BRME1: variants seen among roughly 807,000 people sequenced by gnomAD.
BRME1 encodes the protein BRCA2 and MEILB2-associating protein 1.
BRME1 carries 31 observed loss-of-function variants against 52.6 expected under a neutral mutation model. The observed-to-expected ratio is 0.59, with a 90% CI of 0.44 to 0.80. The LOEUF is 0.80. Ranked by LOEUF, BRME1 falls within the 30% of genes least tolerant of loss-of-function variation. The pLI, the probability that BRME1 is intolerant of heterozygous loss-of-function variation, is 0.00. For synonymous variants in BRME1, 359 were observed against 353.6 expected (o/e 1.02, Z -0.17); for missense variants, 804 against 860.3 (o/e 0.93, Z 0.82).
At chr19:13,884,086 C>T (rs1968829715) in intron 7 of BRME1, among the ~76,000 whole-genome samples, 1 of 152,146 alleles carries the variant, frequency 6.6e-6, no homozygotes, top group South Asian at 2.1e-4. Flanking sequence ...CATTCATATC[C>T]TTGGAAGGTT....
chr19:13,894,300 G>A (rs956027150), intron 3 of BRME1, among the ~76,000 whole-genome samples: 7 of 152,220 alleles, frequency 4.6e-5, no homozygotes, highest in Admixed American at 6.5e-5. Context: ...CGAGGCGGGC[G>A]GATCACCTTA....
intron 6 of BRME1, 74 bp downstream of exon 6, chr19:13,889,114 G>A (rs943332549): frequency 1.9e-5 from 26 of 1,372,480 alleles, no homozygotes; most frequent in Middle Eastern, 2.3e-4. Flanking sequence ...CCACTGCACC[G>A]AGTGAGGAGG....
intron 6 of BRME1, among the ~76,000 whole-genome samples, chr19:13,886,780 C>T (rs7249228): frequency 0.011 from 1,418 of 126,020 alleles, 27 homozygotes; most frequent in African/African-American, 0.047. Flanking sequence ...GGCAACACGG[C>T]GAGACCCTGT....
rs1450051469 is a variant in BRME1, at chr19:13,889,504, T to C, written c.1352A>G (p.Glu451Gly). The change falls in exon 6 of 9, where the codon GAG becomes GGG. Residue 451 changes from glutamate (E) to glycine (G), a missense_variant. Glu to Gly is a moderately conservative substitution (Grantham distance 98). This residue lies in a region of BRME1 where 552 missense variants were observed against 561.1 expected (regional missense o/e 0.98). Transcript: ENST00000586783. ...GGCTTCCTCTTGAGCAGGACCTGGC[T>C]CCTGCTTCTGATTGACACATGGACC... ...DTGPCVNQKQ[E>G]PGPAQEEAEL... The C allele has an allele frequency of 2.5e-6, 4 of 1,613,912 alleles. No homozygotes were observed. The highest frequency in any genetic ancestry group is 3.4e-6 in the Non-Finnish European group (4 of 1,180,018).
At chr19:13,894,639 C>G (rs974859758) in intron 3 of BRME1, among the ~76,000 whole-genome samples, 4 of 152,202 alleles carry the variant, frequency 2.6e-5, no homozygotes, top group Non-Finnish European at 5.9e-5. Context: ...TCTTGAACTC[C>G]TGGGCTCAAG....
intron 5 of BRME1, among the ~76,000 whole-genome samples, chr19:13,892,071 CA>C (rs575433126): frequency 1.4e-3 from 193 of 136,006 alleles, no homozygotes; most frequent in Middle Eastern, 7.8e-3. Flanking sequence ...GACTCCATCT[CA>C]AAAAAAAAAA....
chr19:13,898,377 G>A (rs1179004181), intron 2 of BRME1, among the ~76,000 whole-genome samples: 1 of 152,182 alleles, frequency 6.6e-6, no homozygotes, highest in Non-Finnish European at 1.5e-5. Flanking sequence ...AGCTACTCAG[G>A]AGGCTGAGGG....
At chr19:13,892,512 A>C (rs181335512) in intron 5 of BRME1, among the ~76,000 whole-genome samples, 31 of 152,248 alleles carry the variant, frequency 2.0e-4, no homozygotes, top group African/African-American at 7.0e-4. Context: ...GCTTGAACCC[A>C]GTGGGGCAGA....
rs985431172 is a variant in BRME1, at chr19:13,892,289, T to C, written c.393+497A>G. Among the ~76,000 whole-genome samples, 4 of 151,674 alleles carry C rather than the reference T, an allele frequency of 2.6e-5. No homozygotes were observed. In the South Asian group the frequency reaches 6.2e-4, roughly 24 times the overall value. ...CACTCTGTACCATTTTGTGTTTTTT[T>C]AAAAATTGTGCTAAGGCCGTGCGCA... On this transcript the variant is annotated intron_variant, in intron 5 of 8. Transcript: ENST00000586783.
chr19:13,900,725 C>T (rs1248825208), intron 2 of BRME1, among the ~76,000 whole-genome samples: 2 of 151,562 alleles, frequency 1.3e-5, no homozygotes, highest in African/African-American at 2.4e-5. Context: ...CTCACTCTGT[C>T]GCCCAGGCTG....
chr19:13,904,758 AG>A, intron 2 of BRME1, 103 bp downstream of exon 2: 1 of 1,230,150 alleles, frequency 8.1e-7, no homozygotes, highest in East Asian at 2.3e-5. Flanking sequence ...CTTCCTTTTA[AG>A]GAGGTTAAGG....
intron 2 of BRME1, 72 bp downstream of exon 2, chr19:13,904,790 G>T (rs1358527586): frequency 6.0e-6 from 9 of 1,489,502 alleles, no homozygotes. Flanking sequence ...AGCCAGATCT[G>T]CAATAAACAA....
chr19:13,898,860 T>A (rs1970097358), intron 2 of BRME1, among the ~76,000 whole-genome samples: 1 of 145,500 alleles, frequency 6.9e-6, no homozygotes, highest in Non-Finnish European at 1.5e-5. Context: ...GAGGCGGAGG[T>A]TGCAGTGAGC....
chr19:13,902,110 G>A (rs1030833714), intron 2 of BRME1, among the ~76,000 whole-genome samples: 2 of 148,742 alleles, frequency 1.3e-5, no homozygotes, highest in Non-Finnish European at 1.5e-5. Context: ...TGGCTGAGGC[G>A]GGCAGATCAT....
At chr19:13,896,008 G>A (rs754617797) in intron 2 of BRME1, among the ~76,000 whole-genome samples, 100 of 152,282 alleles carry the variant, frequency 6.6e-4, no homozygotes, top group Non-Finnish European at 1.1e-3. Flanking sequence ...AGTGGCTCAC[G>A]CCTATAATCC....
intron 6 of BRME1, among the ~76,000 whole-genome samples, chr19:13,887,850 A>G (rs552444154): frequency 2.7e-4 from 41 of 151,042 alleles, no homozygotes; most frequent in African/African-American, 9.8e-4. Context: ...TGCAACCTCA[A>G]ACTCCTGGGC....
Position 13,893,182 on chromosome 19 carries a change from CG to C in BRME1, c.247del (p.Arg83ValfsTer31). ...EETGSPCRLL[R>X]QPEKEPAPLP... ...GGGAGCTGGCTCCTTTTCTGGTTGA[CG>C]GAGGAGCCGGCAGGGAGATCCTGTT... On this transcript the variant is annotated frameshift_variant, in exon 4 of 9. Transcript: ENST00000586783. LOFTEE classifies it high-confidence loss of function. 1 of 1,591,424 alleles carries C rather than the reference CG, an allele frequency of 6.3e-7. No individual in the cohort carries two copies. Among genetic ancestry groups the C allele is most frequent in the Non-Finnish European group, 8.5e-7 (1 of 1,171,126 alleles).
At chr19:13,887,258 G>C (rs1041875165) in intron 6 of BRME1, among the ~76,000 whole-genome samples, 6 of 152,228 alleles carry the variant, frequency 3.9e-5, no homozygotes, top group Non-Finnish European at 5.9e-5. Flanking sequence ...TTCCTGCCGG[G>C]AGCCACCCGG....
In BRME1 at chr19:13,884,777, G is replaced by C. The variant is rs552054285; in HGVS notation, c.1763+1184C>G. 4.1e-3 allele frequency among the ~76,000 whole-genome samples: 619 copies of C among 152,292 alleles called. 3 individuals carry two copies. Among genetic ancestry groups the C allele is most frequent in the African/African-American group, 0.014 (593 of 41,582 alleles). The stretch of plus-strand genomic sequence containing the variant: ...CGCCCTAAACCCGCCCATGCCCCAG[G>C]CTTCGCAGCACCTCCGGGGCTGTCA... On this transcript the variant is annotated intron_variant, in intron 7 of 8. Coordinates refer to ENST00000586783, the MANE Select transcript of BRME1 (RefSeq NM_001345843.2).
Sources: allele counts gnomAD v4.1 joint callset (sites outside exome capture counted in the v4.1 genomes callset), GRCh38; gene constraint gnomAD v4.1.1; regional missense constraint gnomAD v4.1.1; transcripts MANE v1.5; gene names NCBI Gene and HGNC (gene_info 2026-07-23, HGNC 2026-07-21).